Variants in ZFAT observed in about 807,000 individuals in gnomAD.
The protein encoded by ZFAT is zinc finger protein ZFAT.
ZFAT carries 64 observed loss-of-function variants against 117.7 expected under a neutral mutation model. That is an observed-to-expected ratio of 0.54 (90% CI 0.44 to 0.67). The LOEUF (loss-of-function observed/expected upper bound fraction) is 0.67. Ranked by LOEUF, ZFAT falls within the 30% of genes least tolerant of loss-of-function variation. The pLI is 0.00. For synonymous variants in ZFAT, 679 were observed against 615.0 expected, an observed-to-expected ratio of 1.10 and a Z score of -1.54; for missense variants, 1,433 against 1,584.5, an observed-to-expected ratio of 0.90 and a Z score of 1.62.
intron 1 of ZFAT, among the ~76,000 whole-genome samples, chr8:134,698,959 T>A (rs974430529): frequency 2.0e-5 from 3 of 152,198 alleles, no homozygotes; most frequent in Admixed American, 2.0e-4. Context: ...CTTGATTACT[T>A]TGTCTTCTAA....
chr8:134,797,685 C>G, the ZFAT span: 1 of 151,772 alleles, frequency 6.6e-6, no homozygotes, highest in Admixed American at 6.6e-5. Flanking sequence ...AGTAAAAATA[C>G]CCTTGGGACT....
the ZFAT span, among the ~76,000 whole-genome samples, chr8:134,817,198 G>C: frequency 1.3e-5 from 2 of 151,916 alleles, no homozygotes; most frequent in African/African-American, 4.8e-5. Context: ...CATAACATGG[G>C]TGGGCCTCAT....
At chr8:134,770,643 A>T in the ZFAT span, among the ~76,000 whole-genome samples, 2 of 152,244 alleles carry the variant, frequency 1.3e-5, no homozygotes, top group Admixed American at 6.5e-5. Context: ...AATGTTTAGG[A>T]AACAAGAGAG....
chr8:134,553,401 G>T (rs577680684), intron 11 of ZFAT, among the ~76,000 whole-genome samples: 18 of 152,308 alleles, frequency 1.2e-4, no homozygotes, highest in South Asian at 4.1e-4. Flanking sequence ...TACTCAGGAG[G>T]CTGAGGCAGA....
chr8:134,565,971 G>GAAAGT (rs1824429821), intron 10 of ZFAT, among the ~76,000 whole-genome samples: 1 of 151,836 alleles, frequency 6.6e-6, no homozygotes, highest in African/African-American at 2.4e-5. Context: ...AGGTGAGTCT[G>GAAAGT]CAGGATGATG....
intron 8 of ZFAT, among the ~76,000 whole-genome samples, chr8:134,589,677 G>A (rs1023608694): frequency 1.3e-5 from 2 of 152,106 alleles, no homozygotes; most frequent in African/African-American, 4.8e-5. Context: ...GTGGACCCTC[G>A]GCCAGGCTGG....
Position 134,641,725 on chromosome 8 carries a change from T to C in ZFAT, c.197-4013A>G, listed in dbSNP as rs149718852. 1.3e-4 allele frequency among the ~76,000 whole-genome samples: 20 copies of C among 152,322 alleles called. 1 individual carries two copies. Among genetic ancestry groups the C allele is most frequent in the African/African-American group, 4.3e-4 (18 of 41,574 alleles). Reference sequence around the variant, plus strand: ...TACACACTGATCCACTGTTTGATGATAGAAAAAGAAATATCTGGAAAAGAA... The same window carrying C: ...TACACACTGATCCACTGTTTGATGACAGAAAAAGAAATATCTGGAAAAGAA... On this transcript the variant is annotated intron_variant, in intron 2 of 15. Transcript: ENST00000377838.
At chr8:134,804,124 G>A in the ZFAT span, among the ~76,000 whole-genome samples, 11 of 152,266 alleles carry the variant, frequency 7.2e-5, no homozygotes, top group East Asian at 3.9e-4. Context: ...AGTGTCATCT[G>A]TGAGAAAAGC....
intron 1 of ZFAT, among the ~76,000 whole-genome samples, chr8:134,661,044 C>T (rs1251359705): frequency 1.3e-5 from 2 of 152,250 alleles, no homozygotes; most frequent in Non-Finnish European, 2.9e-5. Flanking sequence ...TGGAACGATT[C>T]TCACATCACA....
chr8:134,777,336 G>A, the ZFAT span, among the ~76,000 whole-genome samples: 1 of 152,168 alleles, frequency 6.6e-6, no homozygotes, highest in Non-Finnish European at 1.5e-5. Flanking sequence ...ACAACTCAGT[G>A]CACTTCTTCT....
upstream of ZFAT, chr8:134,713,136 A>G: frequency 2.8e-6 from 1 of 359,674 alleles, no homozygotes. Flanking sequence ...GGGCCGAGCT[A>G]ACGCGCATGC....
chr8:134,608,194 A>G (rs1248991697), intron 5 of ZFAT, among the ~76,000 whole-genome samples: 2 of 152,220 alleles, frequency 1.3e-5, no homozygotes, highest in African/African-American at 4.8e-5. Flanking sequence ...TTTGCAAAAA[A>G]CAACAAAATT....
At chr8:134,738,571 T>G in the ZFAT span, among the ~76,000 whole-genome samples, 1,412 of 152,270 alleles carry the variant, frequency 9.3e-3, 6 homozygotes, top group Middle Eastern at 0.017. Context: ...TGAAAAGATA[T>G]GACTTCGGTA....
intron 11 of ZFAT, among the ~76,000 whole-genome samples, chr8:134,535,726 C>T (rs578152191): frequency 6.6e-6 from 1 of 151,902 alleles, no homozygotes; most frequent in African/African-American, 2.4e-5. Flanking sequence ...CAAAATTTGT[C>T]GGGCTTTCTC....
the ZFAT span, among the ~76,000 whole-genome samples, chr8:134,812,985 C>T: frequency 1.3e-5 from 2 of 152,178 alleles, no homozygotes; most frequent in African/African-American, 4.8e-5. Flanking sequence ...ACTCTCTTAC[C>T]TGTGCTGTAC....
rs538725251 is a variant in ZFAT at position 134,653,285 on chromosome 8, A to C, written c.196+4276T>G. Among the ~76,000 whole-genome samples the C allele has an allele frequency of 4.9e-4, 57 of 115,850 alleles. 1 individual carries two copies. The highest frequency in any genetic ancestry group is 1.7e-3 in the South Asian group (7 of 4,090). 76.0% of individuals were successfully genotyped at this position (115,850 alleles called of 152,430 possible). The stretch of plus-strand genomic sequence containing the variant: ...ATGTCTTTTTTAAAAAAAAAAAAAA[A>C]AAAAAACAAAAAACAGGGTCTCACT... On this transcript the variant is annotated intron_variant, in intron 2 of 15. Transcript: ENST00000377838.
At chr8:134,737,801 A>T in the ZFAT span, among the ~76,000 whole-genome samples, 1 of 152,220 alleles carries the variant, frequency 6.6e-6, no homozygotes, top group African/African-American at 2.4e-5. Context: ...ATCTACAACC[A>T]GAACCTCTAT....
chr8:134,749,301 C>T, the ZFAT span, among the ~76,000 whole-genome samples: 1 of 152,296 alleles, frequency 6.6e-6, no homozygotes, highest in African/African-American at 2.4e-5. Flanking sequence ...CATTCAGCTA[C>T]TGCAACAATA....
At chr8:134,666,784 A>G (rs1376286566) in intron 1 of ZFAT, among the ~76,000 whole-genome samples, 1 of 152,200 alleles carries the variant, frequency 6.6e-6, no homozygotes, top group Non-Finnish European at 1.5e-5. Context: ...CAAAAGATTA[A>G]CATTTGTGAT....
Sources: allele counts gnomAD v4.1 joint callset (sites outside exome capture counted in the v4.1 genomes callset), GRCh38; gene constraint gnomAD v4.1.1; transcripts MANE v1.5; gene names NCBI Gene and HGNC (gene_info 2026-07-23, HGNC 2026-07-21).